Variants in ZWILCH observed in about 807,000 individuals in gnomAD.
ZWILCH encodes the protein protein zwilch homolog.
In ZWILCH, 74 loss-of-function variants were observed where a neutral mutation model predicts 79.9. That is an observed-to-expected ratio of 0.93 (90% confidence interval 0.77 to 1.12). The LOEUF (loss-of-function observed/expected upper bound fraction) is 1.12, where lower values mean the gene tolerates loss of function less well. Among genes scored for constraint, ZWILCH ranks in the 50% most tolerant of loss-of-function variants. ZWILCH has a pLI of 0.00. For missense variants in ZWILCH, 694 were observed against 687.5 expected, an observed-to-expected ratio of 1.01 and a Z score of -0.11; for synonymous variants, 241 against 228.2, an observed-to-expected ratio of 1.06 and a Z score of -0.51.
chr15:66,511,454 C>T (rs1350024465), intron 2 of ZWILCH, among the ~76,000 whole-genome samples: 3 of 148,652 alleles, frequency 2.0e-5, no homozygotes, highest in Admixed American at 6.8e-5. Context: ...GATTGTGCCA[C>T]TGCACTCCAG....
chr15:66,523,644 C>T (rs777974498), intron 7 of ZWILCH, 33 bp from the exon 8 acceptor site: 38 of 1,482,518 alleles, frequency 2.6e-5, no homozygotes, highest in Non-Finnish European at 6.6e-6. Flanking sequence ...AGGATTAGCA[C>T]TAGAAAACTG....
intron 2 of ZWILCH, among the ~76,000 whole-genome samples, chr15:66,511,254 G>C (rs1894050480): frequency 6.6e-6 from 1 of 152,130 alleles, no homozygotes; most frequent in Non-Finnish European, 1.5e-5. Context: ...GGGAGGCTGG[G>C]GTGGGAGGAT....
In ZWILCH at chr15:66,515,541, G is replaced by C; in HGVS notation, c.217G>C (p.Glu73Gln). 6.2e-7 allele frequency: 1 copy of C among 1,606,558 alleles called. No homozygotes were observed. Among genetic ancestry groups the C allele is most frequent in the African/African-American group, 1.3e-5 (1 of 74,512 alleles). The part of the protein sequence containing the change: ...IVEKVPLEKE[E>Q]TSHIEELQSE... The stretch of plus-strand genomic sequence containing the variant: ...ATTTTTAAAGCCTTTAGAAAAGGAA[G>C]AAACAAGTCATATTGAAGAACTTCA... The change falls in exon 4 of 19, where the codon GAA (glutamate) becomes CAA (glutamine). Residue 73 changes from glutamate to glutamine, a missense_variant. Glu to Gln is a conservative substitution (Grantham distance 29). Transcript: ENST00000307897.
intron 8 of ZWILCH, chr15:66,524,414 C>T (rs1020191439): frequency 1.3e-5 from 2 of 152,250 alleles, no homozygotes; most frequent in African/African-American, 2.4e-5. Context: ...TAATCTCACA[C>T]TTTACTTCCA....
intron 13 of ZWILCH, among the ~76,000 whole-genome samples, chr15:66,532,606 G>A (rs1207902060): frequency 6.6e-6 from 1 of 151,662 alleles, no homozygotes; most frequent in Non-Finnish European, 1.5e-5. Flanking sequence ...TATATCCATA[G>A]TTCTTGATAA....
intron 1 of ZWILCH, 148 bp from the exon 2 acceptor site, chr15:66,508,693 T>C: frequency 7.2e-7 from 1 of 1,389,754 alleles, no homozygotes; most frequent in Non-Finnish European, 9.4e-7. Context: ...TTTCTCTCTC[T>C]GCAACTACAT....
At chr15:66,528,778 G>A in intron 10 of ZWILCH, 74 bp from the exon 11 acceptor site, 13 of 1,243,866 alleles carry the variant, frequency 1.0e-5, no homozygotes, top group Non-Finnish European at 1.5e-5. Flanking sequence ...ATTTCTCAGA[G>A]CAGCATTTGA....
At chr15:66,530,231 A>T (rs1030697679) in intron 12 of ZWILCH, among the ~76,000 whole-genome samples, 4 of 152,262 alleles carry the variant, frequency 2.6e-5, no homozygotes, top group African/African-American at 9.6e-5. Flanking sequence ...ACAATATTTG[A>T]TAAAAAGGAA....
chr15:66,510,404 A>C (rs999532877), intron 2 of ZWILCH, among the ~76,000 whole-genome samples: 7 of 150,842 alleles, frequency 4.6e-5, no homozygotes, highest in Non-Finnish European at 7.4e-5. Flanking sequence ...AAAAAATATC[A>C]ATGAGAAAGA....
Position 66,535,937 on chromosome 15 carries a change from A to G in ZWILCH, c.1346A>G (p.Tyr449Cys). Residue 449 changes from tyrosine to cysteine, a missense_variant, in exon 15 of 19, where the codon TAC (tyrosine) becomes TGC (cysteine). Coordinates refer to ENST00000307897, the MANE Select transcript of ZWILCH (RefSeq NM_017975.5). ...QELASLNHLE[Y>C]FIAPSVDIQE... The stretch of plus-strand genomic sequence containing the variant: ...GCTTATATTTTTTCATTCCAGGAAT[A>G]CTTCATTGCTCCATCAGTAGATATA... The G allele has an allele frequency of 6.3e-7, 1 of 1,598,748 alleles. No individual in the cohort carries two copies. Among genetic ancestry groups the G allele is most frequent in the Non-Finnish European group, 8.5e-7 (1 of 1,176,026 alleles).
intron 17 of ZWILCH, among the ~76,000 whole-genome samples, chr15:66,544,245 G>A (rs1342568956): frequency 7.6e-5 from 11 of 143,972 alleles, no homozygotes; most frequent in African/African-American, 2.8e-4. Flanking sequence ...CAACAAGAGC[G>A]AAACTCCATC....
At chr15:66,513,900 T>C (rs1220556726) in intron 2 of ZWILCH, 88 bp from the exon 3 acceptor site, 4 of 1,058,396 alleles carry the variant, frequency 3.8e-6, no homozygotes, top group Non-Finnish European at 5.4e-6. Flanking sequence ...AAATTTTCCA[T>C]TGACTTGCAT....
intron 10 of ZWILCH, among the ~76,000 whole-genome samples, chr15:66,528,506 C>T (rs1414535684): frequency 6.6e-6 from 1 of 152,086 alleles, no homozygotes; most frequent in East Asian, 1.9e-4. Flanking sequence ...TAAAATGGCT[C>T]TACTATCATA....
intron 1 of ZWILCH, among the ~76,000 whole-genome samples, chr15:66,506,747 A>C (rs1044474471): frequency 2.6e-5 from 4 of 152,164 alleles, no homozygotes; most frequent in Admixed American, 2.6e-4. Flanking sequence ...AGGCTGAGGC[A>C]ATAGGACTGC....
chr15:66,528,103 T>TA (rs2140781377), intron 10 of ZWILCH, among the ~76,000 whole-genome samples, 191 bp downstream of exon 10: 1 of 152,254 alleles, frequency 6.6e-6, no homozygotes, highest in South Asian at 2.1e-4. Context: ...TATTTTTATT[T>TA]AATTATTATT....
chr15:66,512,797 T>C lies in ZWILCH; in HGVS notation c.106-1191T>C, dbSNP rs1244814431. Among the ~76,000 whole-genome samples the C allele has an allele frequency of 3.9e-5, 6 of 151,908 alleles. No homozygotes were observed. The East Asian group carries it at 9.7e-4, about 25-fold the overall frequency. On this transcript the variant is annotated intron_variant, in intron 2 of 18. Coordinates refer to ENST00000307897, the MANE Select transcript of ZWILCH (RefSeq NM_017975.5). ...TAATTTTTGCATTTTTATTTGTGTA[T>C]TTATTTTTTACTTTTTAAGATGGAG...
At chr15:66,512,564 CAG>C (rs1201716729) in intron 2 of ZWILCH, among the ~76,000 whole-genome samples, 1 of 151,878 alleles carries the variant, frequency 6.6e-6, no homozygotes, top group Admixed American at 6.6e-5. Context: ...TATATTTAAA[CAG>C]AGTTATATGC....
At chr15:66,541,217 G>T (rs2140807222) in intron 17 of ZWILCH, among the ~76,000 whole-genome samples, 1 of 152,088 alleles carries the variant, frequency 6.6e-6, no homozygotes, top group Middle Eastern at 3.4e-3. Context: ...AACCCAGGAA[G>T]TGGAGGTTAC....
chr15:66,541,629 C>G (rs1895195222), intron 17 of ZWILCH, among the ~76,000 whole-genome samples: 1 of 152,092 alleles, frequency 6.6e-6, no homozygotes, highest in African/African-American at 2.4e-5. Context: ...GTCTTTTAGC[C>G]CTTTGTGTAA....
Sources: gnomAD v4.1 joint callset for allele counts (sites outside exome capture counted in the v4.1 genomes callset) on GRCh38, gnomAD v4.1.1 for gene constraint, MANE v1.5 for transcripts, NCBI Gene and HGNC (gene_info 2026-07-23, HGNC 2026-07-21) for gene names.